FUT8: variants seen among roughly 807,000 people sequenced by gnomAD.
The protein encoded by FUT8 is fucosyltransferase 8, also known as alpha-(1,6)-fucosyltransferase.
Under a neutral mutation model 71.3 loss-of-function variants are expected in FUT8, and 29 were observed. The ratio of observed to expected loss-of-function variants is 0.41; its 90% CI spans 0.30 to 0.55. The LOEUF (loss-of-function observed/expected upper bound fraction) is 0.55, where lower values mean the gene tolerates loss of function less well. Ranked by LOEUF, FUT8 falls within the 20% of genes least tolerant of loss-of-function variation. The pLI is 0.34. For missense variants in FUT8, 544 were observed against 702.1 expected, an observed-to-expected ratio of 0.77 and a Z score of 2.55; for synonymous variants, 254 against 239.3, an observed-to-expected ratio of 1.06 and a Z score of -0.57.
chr14:65,650,321 A>C lies in FUT8; in HGVS notation c.598-18922A>C, dbSNP rs980483559. Among the ~76,000 whole-genome samples the C allele has an allele frequency of 3.4e-5, 5 of 147,916 alleles. No individual in the cohort carries two copies. The East Asian group carries it at 8.2e-4, about 24-fold the overall frequency. On this transcript the variant is annotated intron_variant, in intron 6 of 10. Coordinates refer to ENST00000673929, the MANE Select transcript of FUT8 (RefSeq NM_001371533.1). ...CTCAAAAAAAAAAAAAAAAAAAAAAAAAAAAACCTGAGACTGGGTAATTTA... is the reference window on the plus strand; with the variant it reads ...CTCAAAAAAAAAAAAAAAAAAAAAACAAAAAACCTGAGACTGGGTAATTTA...
intron 2 of FUT8, among the ~76,000 whole-genome samples, chr14:65,529,921 G>A (rs1044308016): frequency 6.6e-6 from 1 of 152,124 alleles, no homozygotes; most frequent in African/African-American, 2.4e-5. Flanking sequence ...TGTCTTGCCT[G>A]TGAGAACTTA....
intron 3 of FUT8, among the ~76,000 whole-genome samples, chr14:65,584,410 C>G (rs1339058622): frequency 6.6e-6 from 1 of 152,124 alleles, no homozygotes; most frequent in African/African-American, 2.4e-5. Context: ...GAACTCCTGA[C>G]CTCAGGTCAT....
At chr14:65,521,697 A>C (rs962964205) in intron 2 of FUT8, among the ~76,000 whole-genome samples, 9 of 152,220 alleles carry the variant, frequency 5.9e-5, no homozygotes, top group African/African-American at 2.2e-4. Flanking sequence ...TTATATGTTA[A>C]AAAAATACAT....
At chr14:65,548,934 A>G (rs1885129456) in intron 2 of FUT8, among the ~76,000 whole-genome samples, 1 of 152,222 alleles carries the variant, frequency 6.6e-6, no homozygotes. Context: ...ATACTTTACC[A>G]GAGAAGATAT....
chr14:65,374,657 C>T, the FUT8 span, among the ~76,000 whole-genome samples: 2 of 151,362 alleles, frequency 1.3e-5, no homozygotes, highest in Non-Finnish European at 2.9e-5. Context: ...TGCAGTGGTA[C>T]AATTTTGGCT....
chr14:65,576,696 CTTTTTTTTT>C (rs376473739), intron 3 of FUT8, among the ~76,000 whole-genome samples: 38 of 96,150 alleles, frequency 4.0e-4, no homozygotes, highest in East Asian at 1.1e-3. Flanking sequence ...GCCCAGCTTG[CTTTTTTTTT>C]TTTTTTTTTT....
chr14:65,721,937 A>C lies in FUT8; in HGVS notation c.998A>C (p.Lys333Thr). Residue 333 changes from lysine to threonine, a missense_variant, in exon 8 of 11, where the codon AAA becomes ACA. Physicochemically the swap from Lys to Thr is moderately conservative, Grantham distance 78 (BLOSUM62 -1). Transcript: ENST00000673929. ...PAVWWVSQFVKYLIRPQPWLE... is the reference protein window; with the variant it reads ...PAVWWVSQFVTYLIRPQPWLE... ...GTGTGGTGGGTGTCTCAGTTTGTCA[A>C]ATACTTGATCCGCCCACAGCCTTGG... 2 of 1,614,182 alleles carry C rather than the reference A, an allele frequency of 1.2e-6. No homozygotes were observed. The highest frequency in any genetic ancestry group is 1.7e-6 in the Non-Finnish European group (2 of 1,180,046).
At chr14:65,672,379 A>G (rs1007283331) in intron 7 of FUT8, among the ~76,000 whole-genome samples, 4 of 152,084 alleles carry the variant, frequency 2.6e-5, no homozygotes, top group Admixed American at 1.3e-4. Flanking sequence ...TTCCACATAG[A>G]TTGCTTGTGA....
At chr14:65,558,186 G>T (rs1202041013) in intron 2 of FUT8, among the ~76,000 whole-genome samples, 1 of 151,870 alleles carries the variant, frequency 6.6e-6, no homozygotes, top group Non-Finnish European at 1.5e-5. Flanking sequence ...TAAAAAATGA[G>T]CCGGGCGCCA....
chr14:65,716,665 T>C (rs1260313637), intron 7 of FUT8, among the ~76,000 whole-genome samples: 1 of 152,108 alleles, frequency 6.6e-6, no homozygotes, highest in Non-Finnish European at 1.5e-5. Context: ...TGATTTCTCT[T>C]TCTTTTCCCC....
chr14:65,682,284 C>A (rs1295125748), intron 7 of FUT8, among the ~76,000 whole-genome samples: 1 of 152,216 alleles, frequency 6.6e-6, no homozygotes, highest in Non-Finnish European at 1.5e-5. Context: ...AGGAGGATCG[C>A]TTCAGACTGG....
intron 7 of FUT8, among the ~76,000 whole-genome samples, chr14:65,697,101 G>A (rs1240735061): frequency 6.6e-6 from 1 of 152,134 alleles, no homozygotes; most frequent in Non-Finnish European, 1.5e-5. Flanking sequence ...AGCATGCCTT[G>A]TAATGTTTTT....
rs947218894 is a variant in FUT8, at chr14:65,472,411, T to C, written c.-228+16693T>C. Among the ~76,000 whole-genome samples, 1 of 151,968 alleles carries C rather than the reference T, an allele frequency of 6.6e-6. No homozygotes were observed. Among genetic ancestry groups the C allele is most frequent in the Non-Finnish European group, 1.5e-5 (1 of 68,006 alleles). ...TCCCATTAGGCCCCACCCCCAACAT[T>C]GAGATCAAATTTCAACAGGAGGGAC... On this transcript the variant is annotated intron_variant, in intron 2 of 10. Coordinates refer to ENST00000673929, the MANE Select transcript of FUT8 (RefSeq NM_001371533.1). This position sits in a 1 kb window ranked among gnomAD's most constrained non-coding sequence, Gnocchi z 4.4.
At chr14:65,446,729 G>A (rs1595387672) in intron 1 of FUT8, among the ~76,000 whole-genome samples, 1 of 131,784 alleles carries the variant, frequency 7.6e-6, no homozygotes, top group Non-Finnish European at 1.6e-5. Flanking sequence ...CAATTAATAT[G>A]CTTAATGAAG....
intron 3 of FUT8, among the ~76,000 whole-genome samples, chr14:65,564,150 T>C (rs2140053828): frequency 6.6e-6 from 1 of 152,176 alleles, no homozygotes; most frequent in South Asian, 2.1e-4. Flanking sequence ...GCTACTAGCA[T>C]TGGGATTTTT....
intron 3 of FUT8, among the ~76,000 whole-genome samples, chr14:65,614,184 C>T (rs1420754751): frequency 3.3e-5 from 5 of 151,704 alleles, no homozygotes; most frequent in African/African-American, 1.2e-4. Flanking sequence ...ACTTAAGTTC[C>T]CTTAAACTGG....
At chr14:65,673,205 A>G (rs1892554699) in intron 7 of FUT8, among the ~76,000 whole-genome samples, 1 of 152,240 alleles carries the variant, frequency 6.6e-6, no homozygotes, top group Admixed American at 6.5e-5. Context: ...ATCTAAACTG[A>G]ACAGTTACCT....
At chr14:65,662,479 A>G (rs1442689794) in intron 6 of FUT8, among the ~76,000 whole-genome samples, 1 of 152,210 alleles carries the variant, frequency 6.6e-6, no homozygotes, top group African/African-American at 2.4e-5. Context: ...ATTTATATGT[A>G]CTATGATGAC....
intron 2 of FUT8, among the ~76,000 whole-genome samples, chr14:65,538,795 C>A (rs540223460): frequency 6.6e-6 from 1 of 152,138 alleles, no homozygotes. Context: ...TGGCATGCGC[C>A]TGTAATCCCA....
Sources: allele counts gnomAD v4.1 joint callset (sites outside exome capture counted in the v4.1 genomes callset), GRCh38; gene constraint gnomAD v4.1.1; non-coding constraint Gnocchi (gnomAD v3.1); transcripts MANE v1.5; gene names NCBI Gene and HGNC (gene_info 2026-07-23, HGNC 2026-07-21).